The following TEK variants were observed in gnomAD, a reference collection of about 807,000 sequenced individuals.
TEK encodes angiopoietin-1 receptor.
A neutral mutation model predicts 131.8 loss-of-function variants in TEK; 43 were observed. The observed-to-expected ratio is 0.33, with a 90% CI of 0.26 to 0.42. The LOEUF is 0.42. TEK is among the 10% of genes least tolerant of loss of function. TEK has a pLI of 1.00. For missense variants in TEK, 1,162 were observed against 1,384.4 expected (o/e 0.84, Z 2.55); for synonymous variants, 580 against 491.6 (o/e 1.18, Z -2.38).
chr9:27,200,994 G>T (rs183088002), intron 12 of TEK, among the ~76,000 whole-genome samples: 2 of 152,232 alleles, frequency 1.3e-5, no homozygotes, highest in Admixed American at 1.3e-4. Context: ...CAAATGTCTT[G>T]CACTTGTCTC....
At chr9:27,150,030 C>T (rs994350704) in intron 1 of TEK, among the ~76,000 whole-genome samples, 4 of 152,196 alleles carry the variant, frequency 2.6e-5, no homozygotes, top group African/African-American at 7.2e-5. Flanking sequence ...TTCTCAATTT[C>T]TCTGTCCTGT....
At chr9:27,204,852 G>A in intron 13 of TEK, 59 bp from the exon 14 acceptor site, 1 of 1,609,022 alleles carries the variant, frequency 6.2e-7, no homozygotes, top group South Asian at 1.1e-5. Context: ...CACATACGGT[G>A]TGGGTCTGTT....
At chr9:27,178,501 C>G (rs547685443) in intron 6 of TEK, among the ~76,000 whole-genome samples, 7 of 152,070 alleles carry the variant, frequency 4.6e-5, no homozygotes, top group Admixed American at 6.6e-5. Context: ...GTGAAAAATA[C>G]CATTGCAATT....
At chr9:27,220,699 C>T (rs144107329) in intron 21 of TEK, among the ~76,000 whole-genome samples, 1 of 152,304 alleles carries the variant, frequency 6.6e-6, no homozygotes, top group Non-Finnish European at 1.5e-5. Flanking sequence ...TGGGGAACTC[C>T]CTTCCTAGCG....
At chr9:27,130,628 T>C (rs1322217452) in intron 1 of TEK, among the ~76,000 whole-genome samples, 2 of 131,618 alleles carry the variant, frequency 1.5e-5, no homozygotes, top group African/African-American at 7.1e-5. Flanking sequence ...TTAAAGTACT[T>C]TTTTTTTTTT....
rs773773925 is a variant in TEK, at chr9:27,184,447, G to T, written c.1182+837G>T. Among the ~76,000 whole-genome samples, 16 of 152,218 alleles carry T rather than the reference G, an allele frequency of 1.1e-4. No homozygotes were observed. The Middle Eastern group carries it at 0.01, about 97-fold the overall frequency. ...TATCAAAGATGACCAAAATCAGCTTGACCAGAGGCAGGTATGAGTGACCTT... is the reference window on the plus strand; with the variant it reads ...TATCAAAGATGACCAAAATCAGCTTTACCAGAGGCAGGTATGAGTGACCTT... On this transcript the variant is annotated intron_variant, in intron 8 of 22. Transcript: ENST00000380036.
rs1825415561 is a variant in TEK at position 27,206,812 on chromosome 9, G to A, written c.2575+20G>A. The A allele has an allele frequency of 6.2e-7, 1 of 1,611,754 alleles. No homozygotes were observed. On this transcript the variant is annotated intron_variant, in intron 15 of 22. Transcript: ENST00000380036. ...TGAAAGGTCAGTGGTTGACCAGATA[G>A]AGTCAGCATTGCGTGAGGGTGTGGA...
intron 21 of TEK, among the ~76,000 whole-genome samples, chr9:27,225,103 A>C (rs1244451433): frequency 2.0e-5 from 3 of 152,220 alleles, no homozygotes; most frequent in Admixed American, 2.0e-4. Flanking sequence ...CAAGGAAATA[A>C]GAGAGGACAC....
intron 1 of TEK, among the ~76,000 whole-genome samples, chr9:27,114,865 C>G (rs1821488884): frequency 6.6e-6 from 1 of 152,170 alleles, no homozygotes; most frequent in Admixed American, 6.5e-5. Context: ...GTCGTATTTT[C>G]TATTCAATAG....
intron 21 of TEK, among the ~76,000 whole-genome samples, chr9:27,221,139 T>TA (rs1198920291): frequency 4.6e-5 from 7 of 152,084 alleles, no homozygotes; most frequent in East Asian, 1.9e-4. Flanking sequence ...CCTCACAATG[T>TA]AAAAAAAGTC....
chr9:27,193,359 G>A lies in TEK; in HGVS notation c.1624+736G>A, dbSNP rs547251980. Among the ~76,000 whole-genome samples the A allele has an allele frequency of 4.0e-4, 61 of 152,250 alleles. 1 individual carries two copies. The South Asian group carries it at 9.6e-3, about 24-fold the overall frequency. ...ATGGTTTTGAGGTGAGGATGGGGCC[G>A]GGGTTCAAAAATTTGCATTTCTAGT... On this transcript the variant is annotated intron_variant, in intron 11 of 22. Transcript: ENST00000380036.
At chr9:27,163,839 AAGG>A (rs1393900425) in intron 2 of TEK, among the ~76,000 whole-genome samples, 1 of 152,246 alleles carries the variant, frequency 6.6e-6, no homozygotes, top group East Asian at 1.9e-4. Flanking sequence ...ATTAAATTGA[AAGG>A]AGATGACTGA....
At chr9:27,127,797 A>G (rs572794456) in intron 1 of TEK, among the ~76,000 whole-genome samples, 1 of 152,164 alleles carries the variant, frequency 6.6e-6, no homozygotes, top group East Asian at 1.9e-4. Flanking sequence ...GTCTGTTTAT[A>G]TCCTTTACCC....
intron 21 of TEK, among the ~76,000 whole-genome samples, chr9:27,225,516 T>TAC (rs1826284130): frequency 1.3e-5 from 2 of 151,968 alleles, no homozygotes; most frequent in African/African-American, 4.8e-5. Flanking sequence ...ATAAATGGCG[T>TAC]TGGGAAAACT....
intron 1 of TEK, among the ~76,000 whole-genome samples, chr9:27,110,515 C>G (rs1821297638): frequency 6.6e-6 from 1 of 152,126 alleles, no homozygotes; most frequent in African/African-American, 2.4e-5. Context: ...CCATCAGTCT[C>G]TCCCCTTCGG....
intron 10 of TEK, chr9:27,192,041 G>A (rs1022164422): frequency 2.3e-6 from 1 of 427,730 alleles, no homozygotes; most frequent in Non-Finnish European, 4.6e-6. Context: ...CATTGTAATA[G>A]TATGACCATT....
rs116023649 is a variant in TEK, at chr9:27,140,727, A to G, written c.53-17104A>G. 2.3e-3 allele frequency among the ~76,000 whole-genome samples: 355 copies of G among 152,200 alleles called. 2 individuals are homozygous for G. Among genetic ancestry groups the G allele is most frequent in the African/African-American group, 8.3e-3 (344 of 41,564 alleles). On this transcript the variant is annotated intron_variant, in intron 1 of 22. Transcript: ENST00000380036. The stretch of plus-strand genomic sequence containing the variant: ...GTCAAAATGGGAGTGGTGTGGTGCT[A>G]TCTTCTAAAACTATTATGTTTTCCT...
intron 1 of TEK, among the ~76,000 whole-genome samples, chr9:27,113,368 A>G (rs1002314046): frequency 6.6e-6 from 1 of 152,254 alleles, no homozygotes; most frequent in African/African-American, 2.4e-5. Context: ...AGGCAGGTGG[A>G]TCATGAGGTC....
Position 27,172,621 on chromosome 9 carries a change from G to A in TEK, c.634G>A (p.Glu212Lys). The A allele has an allele frequency of 1.9e-6, 3 of 1,613,574 alleles. No homozygotes were observed. Residue 212 changes from glutamate to lysine, a missense_variant, in exon 5 of 23, where the codon GAA (glutamate) becomes AAA (lysine). Glu to Lys is a moderately conservative substitution (Grantham distance 56). Around this residue, in one of 6 missense-constraint regions of TEK, gnomAD observed 436 missense variants for 539.1 expected, o/e 0.81. Coordinates refer to ENST00000380036, the MANE Select transcript of TEK (RefSeq NM_000459.5). ...AFTRLIVRRC[E>K]AQKWGPECNH... Reference sequence around the variant, plus strand: ...CTTGTTTTCCTTAACAAAAGGATGTGAAGCCCAGAAGTGGGGACCTGAATG... The same window carrying A: ...CTTGTTTTCCTTAACAAAAGGATGTAAAGCCCAGAAGTGGGGACCTGAATG...
Sources: gnomAD v4.1 joint callset for allele counts (sites outside exome capture counted in the v4.1 genomes callset) on GRCh38, gnomAD v4.1.1 for gene constraint, gnomAD v4.1.1 regional missense constraint, MANE v1.5 for transcripts, NCBI Gene and HGNC (gene_info 2026-07-23, HGNC 2026-07-21) for gene names.